The following THSD7B variants were observed in gnomAD, a reference collection of about 807,000 sequenced individuals.
The protein encoded by THSD7B is thrombospondin type 1 domain containing 7B, also known as thrombospondin type-1 domain-containing protein 7B.
THSD7B carries 138 observed loss-of-function variants against 213.6 expected under a neutral mutation model. The ratio of observed to expected loss-of-function variants is 0.65; its 90% CI spans 0.56 to 0.74. THSD7B has a LOEUF of 0.74. THSD7B is among the 30% of genes least tolerant of loss of function. The pLI is 0.00. For missense variants in THSD7B, 1,931 were observed against 1,991.5 expected (o/e 0.97, Z 0.58); for synonymous variants, 742 against 687.0 (o/e 1.08, Z -1.25).
intron 1 of THSD7B, among the ~76,000 whole-genome samples, chr2:136,781,777 C>T (rs1396071059): frequency 6.6e-6 from 1 of 152,134 alleles, no homozygotes; most frequent in East Asian, 1.9e-4. Context: ...TCCTCTGATT[C>T]CTTCTGTCTA....
intron 14 of THSD7B, among the ~76,000 whole-genome samples, chr2:137,414,847 T>C (rs1385029300): frequency 1.3e-5 from 2 of 152,000 alleles, no homozygotes; most frequent in African/African-American, 4.8e-5. Context: ...CTTGAGGCCA[T>C]GACTTCAAGA....
At chr2:136,830,725 A>G (rs1398822843) in intron 1 of THSD7B, among the ~76,000 whole-genome samples, 3 of 152,050 alleles carry the variant, frequency 2.0e-5, no homozygotes, top group African/African-American at 4.8e-5. Context: ...GTATCAGCCT[A>G]TTTTTCAAAT....
intron 1 of THSD7B, among the ~76,000 whole-genome samples, chr2:136,802,397 A>T (rs988977711): frequency 6.6e-6 from 1 of 151,754 alleles, no homozygotes; most frequent in African/African-American, 2.4e-5. Flanking sequence ...TATTTTGGCC[A>T]AAGACCTGAA....
chr2:136,773,277 T>C (rs946033514), intron 1 of THSD7B, among the ~76,000 whole-genome samples: 1 of 152,104 alleles, frequency 6.6e-6, no homozygotes, highest in Non-Finnish European at 1.5e-5. Flanking sequence ...AAAAAACTTA[T>C]GAGGTTGATT....
intron 17 of THSD7B, among the ~76,000 whole-genome samples, chr2:137,577,589 T>C (rs755549072): frequency 9.2e-5 from 14 of 152,104 alleles, no homozygotes; most frequent in Non-Finnish European, 2.1e-4. Flanking sequence ...TATACATTGA[T>C]CATCCTGCTT....
chr2:137,582,258 A>G (rs150583873), intron 17 of THSD7B, among the ~76,000 whole-genome samples: 46 of 152,270 alleles, frequency 3.0e-4, no homozygotes, highest in African/African-American at 1.1e-3. Context: ...CATTACTGGT[A>G]TGCTAATTTT....
At chr2:137,673,153 C>G (rs6705113) in intron 27 of THSD7B, among the ~76,000 whole-genome samples, 82,759 of 152,074 alleles carry the variant, frequency 0.54, 23,571 homozygotes, top group Non-Finnish European at 0.63. Flanking sequence ...GAGAATGAGT[C>G]CTTGCTGAGA....
chr2:137,552,878 G>A (rs1366536973), intron 15 of THSD7B, among the ~76,000 whole-genome samples: 1 of 152,160 alleles, frequency 6.6e-6, no homozygotes, highest in Non-Finnish European at 1.5e-5. Flanking sequence ...CATGTGGGGG[G>A]AAAGTGTGAG....
intron 2 of THSD7B, among the ~76,000 whole-genome samples, chr2:136,912,575 A>G (rs1479271496): frequency 6.6e-6 from 1 of 152,058 alleles, no homozygotes; most frequent in Non-Finnish European, 1.5e-5. Flanking sequence ...GCCAAATCTC[A>G]TCTTGAATTG....
intron 3 of THSD7B, among the ~76,000 whole-genome samples, chr2:137,077,658 T>G (rs945158874): frequency 5.9e-5 from 9 of 152,164 alleles, no homozygotes; most frequent in Admixed American, 6.5e-5. Context: ...CTTCGCCCAC[T>G]TTTTGATGGG....
intron 5 of THSD7B, among the ~76,000 whole-genome samples, chr2:137,154,244 A>C (rs1388465893): frequency 1.3e-5 from 2 of 152,058 alleles, no homozygotes; most frequent in African/African-American, 4.8e-5. Context: ...TGGGGAAAAA[A>C]ATTAGTATCT....
intron 15 of THSD7B, among the ~76,000 whole-genome samples, chr2:137,504,008 AGAGT>A (rs577122172): frequency 1.0e-3 from 156 of 150,576 alleles, no homozygotes; most frequent in African/African-American, 3.4e-3. Context: ...GCCTGGCGAC[AGAGT>A]GAGACTCCAT....
rs575142315 is a variant in THSD7B at position 137,461,566 on chromosome 2, T to C, written c.3138+10543T>C. ...AAATAACCATCATAACCATTATGTT[T>C]CCTGTCTCTTATCTCCTTCCCTCCT... On this transcript the variant is annotated intron_variant, in intron 15 of 27. Coordinates refer to ENST00000409968, the MANE Select transcript of THSD7B (RefSeq NM_001316349.2). Among the ~76,000 whole-genome samples the C allele has an allele frequency of 7.2e-5, 11 of 152,172 alleles. No individual in the cohort carries two copies. The East Asian group carries it at 2.1e-3, about 29-fold the overall frequency.
At chr2:136,893,936 C>T (rs1683908126) in intron 2 of THSD7B, among the ~76,000 whole-genome samples, 1 of 152,116 alleles carries the variant, frequency 6.6e-6, no homozygotes, top group African/African-American at 2.4e-5. Flanking sequence ...TTAACCATCT[C>T]AGGCTTTTGT....
chr2:137,078,191 G>C (rs1687670407), intron 3 of THSD7B, among the ~76,000 whole-genome samples: 1 of 152,152 alleles, frequency 6.6e-6, no homozygotes. Flanking sequence ...CTATATCTCT[G>C]TTTTGGTACC....
chr2:137,242,895 G>GT, intron 10 of THSD7B, among the ~76,000 whole-genome samples: 1 of 152,224 alleles, frequency 6.6e-6, no homozygotes, highest in Non-Finnish European at 1.5e-5. Flanking sequence ...CACAATCACA[G>GT]TTTCTATGTG....
In THSD7B at chr2:137,259,710, A is replaced by G. The variant is rs1682396139; in HGVS notation, c.2267-12823A>G. Among the ~76,000 whole-genome samples the G allele has an allele frequency of 2.0e-5, 3 of 152,164 alleles. No homozygotes were observed. The South Asian group carries it at 6.2e-4, about 32-fold the overall frequency. On this transcript the variant is annotated intron_variant, in intron 10 of 27. Transcript: ENST00000409968. ...ACGGTATTTAATTACTGTATGAAACACTAAATGTTTAGCTTATTTATTTTC... is the reference window on the plus strand; with the variant it reads ...ACGGTATTTAATTACTGTATGAAACGCTAAATGTTTAGCTTATTTATTTTC...
intron 17 of THSD7B, among the ~76,000 whole-genome samples, chr2:137,609,511 T>C (rs1682248651): frequency 6.6e-6 from 1 of 152,180 alleles, no homozygotes; most frequent in African/African-American, 2.4e-5. Flanking sequence ...AAGGAAATGC[T>C]TGGAGCTCTC....
In THSD7B at chr2:137,132,331, G is replaced by T. The variant is rs981407592; in HGVS notation, c.1369+17038G>T. Among the ~76,000 whole-genome samples, 3 of 150,628 alleles carry T rather than the reference G, an allele frequency of 2.0e-5. No homozygotes were observed. The South Asian group carries it at 6.3e-4, about 32-fold the overall frequency. ...TACAATCATGTCGTCTGCAAACAGG[G>T]ACAATTTGACTTCCTCTTTTCCTAA... On this transcript the variant is annotated intron_variant, in intron 5 of 27. Coordinates refer to ENST00000409968, the MANE Select transcript of THSD7B (RefSeq NM_001316349.2).
Sources: allele counts gnomAD v4.1 joint callset (sites outside exome capture counted in the v4.1 genomes callset), GRCh38; gene constraint gnomAD v4.1.1; transcripts MANE v1.5; gene names NCBI Gene and HGNC (gene_info 2026-07-23, HGNC 2026-07-21).